The following TACC2 variants were observed in gnomAD, a reference collection of about 807,000 sequenced individuals.
The protein encoded by TACC2 is transforming acidic coiled-coil containing protein 2.
In TACC2, 137 loss-of-function variants were observed where a neutral mutation model predicts 227.3. That is an observed-to-expected ratio of 0.60 (90% CI 0.52 to 0.69). The LOEUF is 0.69. TACC2 is among the 30% of genes least tolerant of loss of function. TACC2 has a pLI of 0.00. For synonymous variants in TACC2, 1,523 were observed against 1,487.5 expected, an observed-to-expected ratio of 1.02 and a Z score of -0.55; for missense variants, 3,470 against 3,694.4, an observed-to-expected ratio of 0.94 and a Z score of 1.57.
At position 122,084,755 on chromosome 10, in the gene TACC2, G is replaced by A; in HGVS notation, c.2255G>A (p.Gly752Glu). Residue 752 changes from glycine (G) to glutamate (E), a missense_variant, in exon 4 of 23, where the codon GGG (glycine) becomes GAG (glutamate). Gly to Glu is a moderately conservative substitution (Grantham distance 98). This residue lies in a region of TACC2 where 1,924 missense variants were observed against 1,978.3 expected (regional missense o/e 0.97). Coordinates refer to ENST00000369005, the MANE Select transcript of TACC2 (RefSeq NM_206862.4). Reference protein sequence around the residue: ...LEIRKMGSCDGEGLLTSPDQP... With the variant: ...LEIRKMGSCDEEGLLTSPDQP... ...ATAAGGAAGATGGGCAGCTGTGATG[G>A]GGAGGGCTTGCTGACGTCCCCAGAT... 1 of 1,613,648 alleles carries A rather than the reference G, an allele frequency of 6.2e-7. No homozygotes were observed. Among genetic ancestry groups the A allele is most frequent in the Non-Finnish European group, 8.5e-7 (1 of 1,180,038 alleles).
chr10:122,218,307 G>A (rs2095452267), intron 11 of TACC2, among the ~76,000 whole-genome samples: 1 of 152,126 alleles, frequency 6.6e-6, no homozygotes, highest in Non-Finnish European at 1.5e-5. Context: ...GTGAAGGTCT[G>A]GTCTCCACTT....
At chr10:122,041,347 T>A (rs1365574725) in intron 2 of TACC2, among the ~76,000 whole-genome samples, 1 of 125,358 alleles carries the variant, frequency 8.0e-6, no homozygotes, top group Admixed American at 8.5e-5. Flanking sequence ...GCATCTGGGC[T>A]GCTTTAATGT....
chr10:122,246,274 A>T (rs535381744), intron 19 of TACC2, among the ~76,000 whole-genome samples: 1 of 152,240 alleles, frequency 6.6e-6, no homozygotes, highest in Admixed American at 6.5e-5. Context: ...AGTTTTTGGA[A>T]ATGAGGTGCT....
chr10:122,155,672 G>T (rs1373169715), intron 7 of TACC2, among the ~76,000 whole-genome samples: 1 of 152,100 alleles, frequency 6.6e-6, no homozygotes, highest in African/African-American at 2.4e-5. Flanking sequence ...CGTGTCTGCT[G>T]TGGGCCACCC....
At chr10:122,078,514 A>C (rs1838570513) in intron 3 of TACC2, among the ~76,000 whole-genome samples, 1 of 152,138 alleles carries the variant, frequency 6.6e-6, no homozygotes, top group African/African-American at 2.4e-5. Context: ...TGCTGTGTAC[A>C]TCTGGTCTGT....
chr10:122,058,269 C>A (rs2459097), intron 3 of TACC2, among the ~76,000 whole-genome samples: 120,741 of 152,078 alleles, frequency 0.79, 48,403 homozygotes, highest in East Asian at 0.95. Context: ...GTGTCTACTT[C>A]GCCTGTTCAG....
At chr10:122,142,253 C>G (rs533897738) in intron 6 of TACC2, among the ~76,000 whole-genome samples, 2 of 152,364 alleles carry the variant, frequency 1.3e-5, no homozygotes, top group South Asian at 4.1e-4. Flanking sequence ...GCTCTGCTCC[C>G]ACACTTGGTT....
chr10:122,249,926 T>G (rs2096218634), intron 22 of TACC2, among the ~76,000 whole-genome samples: 1 of 152,234 alleles, frequency 6.6e-6, no homozygotes, highest in African/African-American at 2.4e-5. Flanking sequence ...ATTCGTTTAT[T>G]TGTTGGATAT....
intron 7 of TACC2, among the ~76,000 whole-genome samples, chr10:122,160,539 G>GT (rs59316457): frequency 0.27 from 25,110 of 92,654 alleles, 3,954 homozygotes; most frequent in African/African-American, 0.48. Flanking sequence ...GTGTGTGTGT[G>GT]GGGGGGGTCT....
intron 5 of TACC2, among the ~76,000 whole-genome samples, chr10:122,089,892 T>C (rs2080550354): frequency 6.6e-6 from 1 of 152,228 alleles, no homozygotes; most frequent in Non-Finnish European, 1.5e-5. Flanking sequence ...GGGCATGTGC[T>C]GGCCAAACAG....
rs974285697 is a variant in TACC2 at position 122,205,035 on chromosome 10, T to A, written c.5972-5362T>A. Among the ~76,000 whole-genome samples, 3 of 152,202 alleles carry A rather than the reference T, an allele frequency of 2.0e-5. No individual in the cohort carries two copies. The highest frequency in any genetic ancestry group is 4.4e-5 in the Non-Finnish European group (3 of 68,036). On this transcript the variant is annotated intron_variant, in intron 8 of 22. Coordinates refer to ENST00000369005, the MANE Select transcript of TACC2 (RefSeq NM_206862.4). The surrounding 1 kb of genome is among the most constrained non-coding windows in gnomAD (Gnocchi z 4.5). The stretch of plus-strand genomic sequence containing the variant: ...CCTCACTATGGCTCTGTCACTTAGA[T>A]GCTCACGAGGCGGACTCTGCTGGGA...
In TACC2 at chr10:122,172,647, C is replaced by A. The variant is rs147862196; in HGVS notation, c.5835-22393C>A. On this transcript the variant is annotated intron_variant, in intron 7 of 22. Transcript: ENST00000369005. ...GCGCACATTTAGATCCTGCATGGAA[C>A]TTCCCAGCTGAGCCTCTTTCAGAAG... Among the ~76,000 whole-genome samples, 412 of 152,362 alleles carry A rather than the reference C, an allele frequency of 2.7e-3. 2 individuals carry two copies. Among genetic ancestry groups the A allele is most frequent in the Middle Eastern group, 0.024 (7 of 294 alleles).
In TACC2 at chr10:122,050,360, G is replaced by A; in HGVS notation, c.34-78G>A. On this transcript the variant is annotated intron_variant, in intron 2 of 22. Transcript: ENST00000369005. The surrounding 1 kb of genome is among the most constrained non-coding windows in gnomAD (Gnocchi z 4.6). ...CCTTACCTTGAATGCTGTGGTGGGT[G>A]CCCTGTTGATAAATGTTTTTGTGTT... The A allele has an allele frequency of 9.2e-7, 1 of 1,082,312 alleles. No homozygotes were observed. Among genetic ancestry groups the A allele is most frequent in the Non-Finnish European group, 1.4e-6 (1 of 721,246 alleles). 67.0% of individuals were successfully genotyped at this position (1,082,312 alleles called of 1,614,324 possible).
chr10:122,104,015 T>G (rs76036438), intron 5 of TACC2, among the ~76,000 whole-genome samples: 1,777 of 152,354 alleles, frequency 0.012, 27 homozygotes, highest in African/African-American at 0.041. Flanking sequence ...TATGGCCTTT[T>G]GTCCTTATCT....
rs770713394 is a variant in TACC2 at position 122,210,307 on chromosome 10, T to A, written c.5972-90T>A. ...CCTGGGGCCGTGGTTTGTCAACCCC[T>A]ACGCTGGAGGGTGATGTTTTGGTAC... On this transcript the variant is annotated intron_variant, in intron 8 of 22. Transcript: ENST00000369005. The surrounding 1 kb of genome is among the most constrained non-coding windows in gnomAD (Gnocchi z 4.6). 8.4e-6 allele frequency: 9 copies of A among 1,072,744 alleles called. No homozygotes were observed. The highest frequency in any genetic ancestry group is 1.3e-5 in the Non-Finnish European group (9 of 704,370). The allele number at this position is 1,072,744 out of a possible 1,614,324, so 66.5% of individuals were successfully genotyped here. A position where few individuals can be genotyped will look rare whatever the true frequency, so the allele number is the denominator to read the frequency against.
chr10:122,232,288 A>G (rs1326822162), intron 16 of TACC2, among the ~76,000 whole-genome samples: 1 of 152,238 alleles, frequency 6.6e-6, no homozygotes, highest in Non-Finnish European at 1.5e-5. Flanking sequence ...AGTACCATGT[A>G]TTCCTGTCCA....
intron 14 of TACC2, among the ~76,000 whole-genome samples, chr10:122,228,225 A>T (rs987601358): frequency 1.3e-5 from 2 of 152,210 alleles, no homozygotes; most frequent in African/African-American, 4.8e-5. Context: ...TGCATTTCCC[A>T]CTTAAGTACT....
intron 16 of TACC2, among the ~76,000 whole-genome samples, chr10:122,235,623 ACTTCCT>A (rs2095842835): frequency 1.3e-5 from 2 of 152,076 alleles, no homozygotes; most frequent in African/African-American, 4.8e-5. Flanking sequence ...TTTTTCAGCT[ACTTCCT>A]GAGAAGTTCC....
In TACC2 at chr10:122,188,884, TGTCA is replaced by T. The variant is rs558641085; in HGVS notation, c.5835-6154_5835-6151del. 2.7e-3 allele frequency among the ~76,000 whole-genome samples: 418 copies of T among 152,326 alleles called. 2 individuals are homozygous for T. Among genetic ancestry groups the T allele is most frequent in the Non-Finnish European group, 4.9e-3 (332 of 68,030 alleles). On this transcript the variant is annotated intron_variant, in intron 7 of 22. Transcript: ENST00000369005. ...TGATTTTTCGCGAGGCAGCCGTAGG[TGTCA>T]GCCTGGAAAATTCTAGCAGCCTGGC... is the stretch of plus-strand genomic sequence containing the variant.
Sources: allele counts gnomAD v4.1 joint callset (sites outside exome capture counted in the v4.1 genomes callset), GRCh38; gene constraint gnomAD v4.1.1; regional missense constraint gnomAD v4.1.1; non-coding constraint Gnocchi (gnomAD v3.1); transcripts MANE v1.5; gene names NCBI Gene and HGNC (gene_info 2026-07-23, HGNC 2026-07-21).